The following GYPE variants were observed in gnomAD, a reference collection of about 807,000 sequenced individuals.
The protein encoded by GYPE is glycophorin E (MNS blood group).
Under a neutral mutation model 11.6 loss-of-function variants are expected in GYPE, and 8 were observed. That is an observed-to-expected ratio of 0.69 (90% confidence interval 0.41 to 1.25). The LOEUF (loss-of-function observed/expected upper bound fraction) is 1.25, where lower values mean the gene tolerates loss of function less well. Ranked by LOEUF, GYPE falls within the 50% of genes most tolerant of loss-of-function variation. The pLI is 0.01. For synonymous variants in GYPE, 28 were observed against 29.6 expected (o/e 0.94, Z 0.18); for missense variants, 90 against 92.8 (o/e 0.97, Z 0.12).
chr4:143,901,402 T>G (rs1369087094), intron 1 of GYPE, among the ~76,000 whole-genome samples: 1 of 122,636 alleles, frequency 8.2e-6, no homozygotes, highest in Non-Finnish European at 1.7e-5. Flanking sequence ...TGCAGAAAAT[T>G]TAGAAAGTAT....
chr4:143,878,021 G>A (rs1306175836), intron 2 of GYPE, among the ~76,000 whole-genome samples: 1 of 149,970 alleles, frequency 6.7e-6, no homozygotes, highest in African/African-American at 2.4e-5. Context: ...CTCTTATGAG[G>A]CTTCTTTCAA....
intron 1 of GYPE, among the ~76,000 whole-genome samples, chr4:143,903,544 A>AAG (rs1560954614): frequency 2.7e-5 from 4 of 146,068 alleles, no homozygotes; most frequent in African/African-American, 1.0e-4. Flanking sequence ...AAAAAAAAAG[A>AAG]AAAAAAAAGA....
Position 143,871,525 on chromosome 4 carries a change from G to A in GYPE, c.*737C>T, listed in dbSNP as rs1743619828. On this transcript the variant is annotated 3_prime_UTR_variant, in exon 4 of 4. Transcript: ENST00000358615. Reference sequence around the variant, plus strand: ...AATGTGACCCTCTAGTCTGTACAAGGAGAGGAATGCAGAGGGAAAGCGATT... The same window carrying A: ...AATGTGACCCTCTAGTCTGTACAAGAAGAGGAATGCAGAGGGAAAGCGATT... 6.6e-6 allele frequency: 1 copy of A among 152,192 alleles called. No individual in the cohort carries two copies. Among genetic ancestry groups the A allele is most frequent in the African/African-American group, 2.4e-5 (1 of 41,426 alleles). 9.4% of individuals were successfully genotyped at this position (152,192 alleles called of 1,614,324 possible). A position where few individuals can be genotyped will look rare whatever the true frequency, so the allele number is the denominator to read the frequency against.
At chr4:143,889,257 A>C (rs1467724734) in intron 1 of GYPE, among the ~76,000 whole-genome samples, 1 of 151,960 alleles carries the variant, frequency 6.6e-6, no homozygotes, top group Admixed American at 6.5e-5. Flanking sequence ...GGTCATCCAC[A>C]CTGTCCCAAA....
intron 3 of GYPE, chr4:143,873,234 CA>C (rs1743677788): frequency 3.4e-6 from 1 of 290,742 alleles, no homozygotes; most frequent in Non-Finnish European, 6.9e-6. Context: ...TTAAAATATA[CA>C]GCATTTTTAT....
At chr4:143,902,115 GCTAAA>G (rs1207717162) in intron 1 of GYPE, among the ~76,000 whole-genome samples, 1 of 151,984 alleles carries the variant, frequency 6.6e-6, no homozygotes. Context: ...ATTTTTCATG[GCTAAA>G]CTAGTCTGCC....
At chr4:143,879,223 T>C (rs1383660642) in intron 2 of GYPE, among the ~76,000 whole-genome samples, 2 of 152,202 alleles carry the variant, frequency 1.3e-5, no homozygotes, top group Non-Finnish European at 2.9e-5. Context: ...CTGTTCCACC[T>C]GTGCTAACCT....
chr4:143,880,608 C>T, intron 1 of GYPE, 99 bp from the exon 2 acceptor site: 1 of 1,580,854 alleles, frequency 6.3e-7, no homozygotes, highest in Non-Finnish European at 8.7e-7. Context: ...TCCCTCCAGT[C>T]CCTGAGCTAA....
At chr4:143,878,557 C>A (rs1029289439) in intron 2 of GYPE, 2 of 436,830 alleles carry the variant, frequency 4.6e-6, no homozygotes, top group African/African-American at 4.2e-5. Flanking sequence ...TTAAGATTGA[C>A]ACATTTTCTT....
At chr4:143,880,124 CTAT>C (rs1418757922) in intron 2 of GYPE, among the ~76,000 whole-genome samples, 1 of 152,230 alleles carries the variant, frequency 6.6e-6, no homozygotes, top group African/African-American at 2.4e-5. Context: ...CACCACCGCA[CTAT>C]TAGGTCCCCT....
intron 1 of GYPE, among the ~76,000 whole-genome samples, chr4:143,899,502 G>C (rs995690672): frequency 2.6e-5 from 4 of 152,048 alleles, no homozygotes; most frequent in African/African-American, 9.7e-5. Context: ...AATTGTTAGG[G>C]ATCTAAATAG....
chr4:143,873,416 A>G, intron 3 of GYPE: 1 of 455,540 alleles, frequency 2.2e-6, no homozygotes, highest in Non-Finnish European at 4.4e-6. Context: ...TGAATAATAA[A>G]GGTCTAAAAT....
chr4:143,895,776 C>A (rs1229147226), intron 1 of GYPE, among the ~76,000 whole-genome samples: 1 of 151,380 alleles, frequency 6.6e-6, no homozygotes, highest in South Asian at 2.1e-4. Flanking sequence ...GCTACAGTAA[C>A]CAAAACAGCA....
intron 1 of GYPE, among the ~76,000 whole-genome samples, chr4:143,889,914 G>A (rs12499429): frequency 0.24 from 36,957 of 152,112 alleles, 5,528 homozygotes; most frequent in South Asian, 0.32. Flanking sequence ...AAGTGGCAGA[G>A]CTGGATTTTG....
chr4:143,876,968 T>C (rs1311219529), intron 2 of GYPE, 113 bp from the exon 3 acceptor site: 5 of 700,028 alleles, frequency 7.1e-6, no homozygotes, highest in Non-Finnish European at 1.1e-5. Flanking sequence ...TAATAGAAAG[T>C]ACAATTAATA....
At chr4:143,904,606 T>A (rs1018522325) in intron 1 of GYPE, among the ~76,000 whole-genome samples, 8 of 152,096 alleles carry the variant, frequency 5.3e-5, no homozygotes, top group Non-Finnish European at 1.2e-4. Context: ...GTAGATCCTC[T>A]CTTCCCTGTA....
chr4:143,896,477 A>G (rs1178626444), intron 1 of GYPE, among the ~76,000 whole-genome samples: 1 of 152,248 alleles, frequency 6.6e-6, no homozygotes, highest in Non-Finnish European at 1.5e-5. Context: ...CACACCAGTT[A>G]GAATGGCAAT....
chr4:143,904,617 T>C (rs546813463), intron 1 of GYPE, among the ~76,000 whole-genome samples: 48 of 152,122 alleles, frequency 3.2e-4, no homozygotes, highest in Non-Finnish European at 5.9e-4. Flanking sequence ...CTTCCCTGTA[T>C]GCTACTGTAT....
chr4:143,905,289 C>T (rs1357150899), intron 1 of GYPE, among the ~76,000 whole-genome samples, 182 bp downstream of exon 1: 1 of 152,088 alleles, frequency 6.6e-6, no homozygotes, highest in East Asian at 1.9e-4. Flanking sequence ...TACTGGGCTC[C>T]CTTGTGCCAT....
Sources: allele counts gnomAD v4.1 joint callset (sites outside exome capture counted in the v4.1 genomes callset), GRCh38; gene constraint gnomAD v4.1.1; transcripts MANE v1.5; gene names NCBI Gene and HGNC (gene_info 2026-07-23, HGNC 2026-07-21).